Variants in ROBO2 observed in about 807,000 individuals in gnomAD.
The protein encoded by ROBO2 is roundabout homolog 2.
Under a neutral mutation model 160.8 loss-of-function variants are expected in ROBO2, and 53 were observed. The ratio of observed to expected loss-of-function variants is 0.33; its 90% CI spans 0.26 to 0.41. The LOEUF is 0.41. ROBO2 is among the 10% of genes least tolerant of loss of function. ROBO2 has a pLI of 1.00. For missense variants in ROBO2, 1,577 were observed against 1,722.4 expected, an observed-to-expected ratio of 0.92 and a Z score of 1.49; for synonymous variants, 664 against 611.7, an observed-to-expected ratio of 1.09 and a Z score of -1.26.
At chr3:77,530,645 G>A (rs1215374692) in intron 6 of ROBO2, among the ~76,000 whole-genome samples, 1 of 151,994 alleles carries the variant, frequency 6.6e-6, no homozygotes, top group Non-Finnish European at 1.5e-5. Flanking sequence ...CAGTGGGTCA[G>A]AAAGAGCTCT....
intron 1 of ROBO2, among the ~76,000 whole-genome samples, chr3:77,090,446 C>T (rs1400554337): frequency 1.4e-5 from 2 of 146,532 alleles, no homozygotes; most frequent in Non-Finnish European, 3.0e-5. Context: ...CTCCGTCTCC[C>T]GGGTTCACGC....
At chr3:77,352,895 A>G (rs1187207657) in intron 2 of ROBO2, among the ~76,000 whole-genome samples, 1 of 152,188 alleles carries the variant, frequency 6.6e-6, no homozygotes, top group African/African-American at 2.4e-5. Flanking sequence ...TCTTGATTTA[A>G]ACAGCTCATT....
At chr3:77,186,281 AC>A (rs1166578131) in intron 2 of ROBO2, among the ~76,000 whole-genome samples, 13 of 151,918 alleles carry the variant, frequency 8.6e-5, no homozygotes, top group Admixed American at 2.6e-4. Context: ...GTGGGGAAAG[AC>A]CTTTGGTTTT....
At chr3:77,621,921 C>T (rs1273792592) in intron 22 of ROBO2, among the ~76,000 whole-genome samples, 2 of 151,976 alleles carry the variant, frequency 1.3e-5, no homozygotes, top group African/African-American at 4.8e-5. Context: ...AATAGTTACT[C>T]GTGGCGAATA....
At chr3:76,885,848 T>A (rs1039841774) in intron 2 of ROBO2, among the ~76,000 whole-genome samples, 1 of 152,160 alleles carries the variant, frequency 6.6e-6, no homozygotes. Context: ...GCCTCCTTCA[T>A]GTTTTCCTCT....
chr3:77,033,987 A>G (rs1448826509), intron 2 of ROBO2, among the ~76,000 whole-genome samples: 1 of 151,964 alleles, frequency 6.6e-6, no homozygotes, highest in Admixed American at 6.6e-5. Flanking sequence ...AAACTTGACT[A>G]GCATTTTTCA....
chr3:76,696,875 G>T (rs541681123), intron 2 of ROBO2, among the ~76,000 whole-genome samples: 1 of 152,276 alleles, frequency 6.6e-6, no homozygotes, highest in African/African-American at 2.4e-5. Flanking sequence ...TGTCTACAGG[G>T]CTGCTCCTCA....
At chr3:76,397,471 A>G (rs1278193821) in intron 2 of ROBO2, among the ~76,000 whole-genome samples, 2 of 152,138 alleles carry the variant, frequency 1.3e-5, no homozygotes, top group African/African-American at 4.8e-5. Context: ...AAAATTGACA[A>G]ATGGGATCTA....
intron 2 of ROBO2, among the ~76,000 whole-genome samples, chr3:77,198,907 A>T (rs2082559192): frequency 6.6e-6 from 1 of 152,154 alleles, no homozygotes; most frequent in African/African-American, 2.4e-5. Flanking sequence ...TGTCCTAAAA[A>T]AAAAGAAAAA....
chr3:77,290,976 T>C (rs2061147765), intron 2 of ROBO2, among the ~76,000 whole-genome samples: 1 of 134,492 alleles, frequency 7.4e-6, no homozygotes, highest in African/African-American at 2.6e-5. Context: ...AGACATAAAG[T>C]AAAATTGACG....
At chr3:76,656,453 A>T (rs796719786) in intron 2 of ROBO2, among the ~76,000 whole-genome samples, 2 of 152,118 alleles carry the variant, frequency 1.3e-5, no homozygotes, top group African/African-American at 4.8e-5. Flanking sequence ...CAACAAGCAC[A>T]TTACCTGCAC....
intron 2 of ROBO2, among the ~76,000 whole-genome samples, chr3:77,269,889 T>C (rs2153352530): frequency 6.6e-6 from 1 of 152,286 alleles, no homozygotes; most frequent in Non-Finnish European, 1.5e-5. Flanking sequence ...GTGTTGTTTC[T>C]TTTAAAAATA....
At chr3:75,991,710 G>A (rs1387660064) in intron 2 of ROBO2, among the ~76,000 whole-genome samples, 3 of 152,084 alleles carry the variant, frequency 2.0e-5, no homozygotes. Flanking sequence ...AGCAGAGGTT[G>A]GAACAGTTGG....
intron 2 of ROBO2, among the ~76,000 whole-genome samples, chr3:76,489,352 G>C (rs959127136): frequency 2.0e-5 from 3 of 151,966 alleles, no homozygotes; most frequent in Non-Finnish European, 4.4e-5. Flanking sequence ...AGTAGGAAGG[G>C]CACTCAACTA....
chr3:76,230,217 T>C (rs1293783265), intron 2 of ROBO2, among the ~76,000 whole-genome samples: 1 of 152,010 alleles, frequency 6.6e-6, no homozygotes, highest in Non-Finnish European at 1.5e-5. Flanking sequence ...CTTCATGGAG[T>C]CCAGTGCATT....
At chr3:77,417,448 C>G (rs977717830) in intron 2 of ROBO2, among the ~76,000 whole-genome samples, 6 of 147,804 alleles carry the variant, frequency 4.1e-5, no homozygotes, top group African/African-American at 9.7e-5. Context: ...TTCATATATG[C>G]CCAGTGGAAA....
At chr3:76,921,693 C>A (rs2076672154) in intron 2 of ROBO2, among the ~76,000 whole-genome samples, 1 of 152,028 alleles carries the variant, frequency 6.6e-6, no homozygotes, top group African/African-American at 2.4e-5. Context: ...TTCTTTCTTT[C>A]TTTCTTTCTT....
At chr3:77,520,850 T>G (rs4518103) in intron 5 of ROBO2, among the ~76,000 whole-genome samples, 4,765 of 151,472 alleles carry the variant, frequency 0.031, 209 homozygotes, top group East Asian at 0.2. Context: ...TCTGAGGCCA[T>G]TATCAAAATA....
rs114721703 is a variant in ROBO2, at chr3:77,286,769, C to T, written c.388+188429C>T. Among the ~76,000 whole-genome samples, 824 of 152,246 alleles carry T rather than the reference C, an allele frequency of 5.4e-3. 4 individuals are homozygous for T. Among genetic ancestry groups the T allele is most frequent in the Non-Finnish European group, 8.5e-3 (577 of 68,012 alleles). On this transcript the variant is annotated intron_variant, in intron 2 of 25. Coordinates refer to ENST00000461745, the Ensembl canonical transcript of ROBO2. Reference sequence around the variant, plus strand: ...GAACTATATTGAATAAATATTTAGTCTATTACTCTTGAAGTCTACACTGAA... The same window carrying T: ...GAACTATATTGAATAAATATTTAGTTTATTACTCTTGAAGTCTACACTGAA...
Sources: allele counts gnomAD v4.1 joint callset (sites outside exome capture counted in the v4.1 genomes callset), GRCh38; gene constraint gnomAD v4.1.1; transcripts MANE v1.5; gene names NCBI Gene and HGNC (gene_info 2026-07-23, HGNC 2026-07-21).